The following CSPP1 variants were observed in gnomAD, a reference collection of about 807,000 sequenced individuals.
CSPP1 encodes centrosome and spindle pole-associated protein 1.
Under a neutral mutation model 164.4 loss-of-function variants are expected in CSPP1, and 126 were observed. The ratio of observed to expected loss-of-function variants is 0.77; its 90% CI spans 0.66 to 0.89. CSPP1 has a LOEUF of 0.89. Among genes scored for constraint, CSPP1 ranks in the 40% least tolerant of loss-of-function variants. The pLI, the probability that CSPP1 is intolerant of heterozygous loss-of-function variation, is 0.00. For synonymous variants in CSPP1, 472 were observed against 476.7 expected (o/e 0.99, Z 0.13); for missense variants, 1,395 against 1,449.8 (o/e 0.96, Z 0.61).
In CSPP1 at chr8:67,131,807, T is replaced by G. The variant is rs1821288534; in HGVS notation, c.1698-144T>G. On this transcript the variant is annotated intron_variant, in intron 15 of 30. Coordinates refer to ENST00000678616, the MANE Select transcript of CSPP1 (RefSeq NM_001382391.1). Reference sequence around the variant, plus strand: ...GGAAGGAGCTAAGGAAGGGGTCACTTAAGGATTCCTCTTTGGCCTATAGAG... The same window carrying G: ...GGAAGGAGCTAAGGAAGGGGTCACTGAAGGATTCCTCTTTGGCCTATAGAG... The G allele has an allele frequency of 1.2e-5, 8 of 683,294 alleles. No homozygotes were observed. In the South Asian group the frequency reaches 2.0e-4, roughly 18 times the overall value. 42.3% of individuals were successfully genotyped at this position (683,294 alleles called of 1,614,324 possible).
At chr8:67,124,571 GC>G (rs1563620991) in intron 15 of CSPP1, among the ~76,000 whole-genome samples, 1 of 152,062 alleles carries the variant, frequency 6.6e-6, no homozygotes, top group Non-Finnish European at 1.5e-5. Flanking sequence ...CATGATCATG[GC>G]TCACTGCAAG....
intron 21 of CSPP1, among the ~76,000 whole-genome samples, chr8:67,161,007 C>T (rs867548353): frequency 2.0e-5 from 3 of 151,922 alleles, no homozygotes; most frequent in South Asian, 2.1e-4. Context: ...TTATTAGAGA[C>T]GGGGTTTCAC....
chr8:67,086,519 A>G (rs1810434440), intron 4 of CSPP1, among the ~76,000 whole-genome samples: 1 of 152,142 alleles, frequency 6.6e-6, no homozygotes. Context: ...TTATAAAATT[A>G]CATTTAATTA....
chr8:67,132,852 A>G (rs1821503659), intron 16 of CSPP1, among the ~76,000 whole-genome samples: 1 of 152,172 alleles, frequency 6.6e-6, no homozygotes, highest in Non-Finnish European at 1.5e-5. Context: ...TATCAAATGT[A>G]TGGGGTTCTT....
At chr8:67,162,048 G>A (rs1350463590) in intron 22 of CSPP1, 133 bp downstream of exon 22, 1 of 618,244 alleles carries the variant, frequency 1.6e-6, no homozygotes, top group Non-Finnish European at 2.8e-6. Context: ...GATATCTACA[G>A]TAATTTGCCT....
At chr8:67,110,622 C>T (rs1816658955) in intron 9 of CSPP1, among the ~76,000 whole-genome samples, 1 of 152,214 alleles carries the variant, frequency 6.6e-6, no homozygotes, top group South Asian at 2.1e-4. Flanking sequence ...TCCATAACTT[C>T]TAGCCATTTT....
chr8:67,115,853 T>A, intron 12 of CSPP1, 61 bp from the exon 13 acceptor site: 1 of 1,317,520 alleles, frequency 7.6e-7, no homozygotes, highest in East Asian at 2.3e-5. Flanking sequence ...TCTTTTGAGG[T>A]CCCTTCCACC....
chr8:67,142,091 C>A (rs1166964373), intron 17 of CSPP1, among the ~76,000 whole-genome samples: 1 of 152,140 alleles, frequency 6.6e-6, no homozygotes, highest in African/African-American at 2.4e-5. Context: ...ATTCATGCAA[C>A]TTTAAAGTAT....
chr8:67,067,497 T>C (rs1805823442), intron 1 of CSPP1, among the ~76,000 whole-genome samples: 1 of 152,022 alleles, frequency 6.6e-6, no homozygotes, highest in African/African-American at 2.4e-5. Context: ...AGAGTCTCGC[T>C]CTGTCACCTA....
intron 15 of CSPP1, among the ~76,000 whole-genome samples, chr8:67,125,935 C>T (rs1165730362): frequency 7.9e-5 from 12 of 152,170 alleles, no homozygotes; most frequent in African/African-American, 2.7e-4. Context: ...CAGGTTCAAG[C>T]GATTGTCCTG....
intron 9 of CSPP1, among the ~76,000 whole-genome samples, 181 bp from the exon 10 acceptor site, chr8:67,111,791 G>C (rs1816896068): frequency 6.6e-6 from 1 of 151,760 alleles, no homozygotes; most frequent in African/African-American, 2.4e-5. Flanking sequence ...CGCATAGTAG[G>C]TACCCATTAA....
chr8:67,122,841 T>TTG (rs1034212807), intron 15 of CSPP1, among the ~76,000 whole-genome samples: 5 of 151,920 alleles, frequency 3.3e-5, no homozygotes, highest in South Asian at 2.1e-4. Context: ...AACTGTTACT[T>TTG]TGTGTGTGTG....
chr8:67,092,645 A>G (rs1001712992), intron 5 of CSPP1, among the ~76,000 whole-genome samples: 14 of 152,156 alleles, frequency 9.2e-5, no homozygotes, highest in African/African-American at 2.7e-4. Flanking sequence ...GTGTTTCACA[A>G]TGTAGGCCAG....
intron 24 of CSPP1, among the ~76,000 whole-genome samples, chr8:67,168,386 T>G (rs945421965): frequency 3.9e-5 from 6 of 152,144 alleles, no homozygotes; most frequent in Non-Finnish European, 7.3e-5. Flanking sequence ...TTAATTTTTC[T>G]TTTCATTAAT....
At chr8:67,091,657 T>A (rs1392086776) in intron 4 of CSPP1, 146 bp from the exon 5 acceptor site, 1 of 274,684 alleles carries the variant, frequency 3.6e-6, no homozygotes, top group Non-Finnish European at 6.9e-6. Flanking sequence ...CTATATAGAT[T>A]TGTAGTTTCT....
At chr8:67,101,683 A>G (rs1049100513) in intron 7 of CSPP1, among the ~76,000 whole-genome samples, 10 of 152,220 alleles carry the variant, frequency 6.6e-5, no homozygotes, top group African/African-American at 2.4e-4. Flanking sequence ...TGTTTTCTCC[A>G]CAGATGATAT....
intron 29 of CSPP1, among the ~76,000 whole-genome samples, chr8:67,191,125 G>A (rs1207906332): frequency 2.6e-5 from 4 of 152,052 alleles, no homozygotes; most frequent in Admixed American, 6.5e-5. Flanking sequence ...CCTTCATTTC[G>A]GTCAAATGAC....
chr8:67,077,170 GTCTC>G (rs141841739), intron 3 of CSPP1, among the ~76,000 whole-genome samples: 8 of 148,850 alleles, frequency 5.4e-5, no homozygotes, highest in Non-Finnish European at 7.5e-5. Context: ...TAAAGACAGG[GTCTC>G]TCTCTCTCTC....
Position 67,163,740 on chromosome 8 carries a change from C to T in CSPP1, c.2652C>T (p.Ser884=). ...SIIRSFIHES[S]MSRAQSPPVP... The stretch of plus-strand genomic sequence containing the variant: ...TCATTATTGTTGAACAGGAAAGTTC[C>T]ATGTCCAGGGCACAGTCACCCCCGG... Residue 884 remains serine (S), a synonymous_variant, in exon 23 of 31, where the codon TCC becomes TCT. Coordinates refer to ENST00000678616, the MANE Select transcript of CSPP1 (RefSeq NM_001382391.1). 3 of 1,612,260 alleles carry T rather than the reference C, an allele frequency of 1.9e-6. No individual in the cohort carries two copies. The highest frequency in any genetic ancestry group is 2.5e-6 in the Non-Finnish European group (3 of 1,179,064).
Sources: gnomAD v4.1 joint callset for allele counts (sites outside exome capture counted in the v4.1 genomes callset) on GRCh38, gnomAD v4.1.1 for gene constraint, MANE v1.5 for transcripts, NCBI Gene and HGNC (gene_info 2026-07-23, HGNC 2026-07-21) for gene names.